FGF2: variants seen among roughly 807,000 people sequenced by gnomAD.
The protein encoded by FGF2 is fibroblast growth factor 2.
Under a neutral mutation model 15.9 loss-of-function variants are expected in FGF2, and 13 were observed. The ratio of observed to expected loss-of-function variants is 0.82; its 90% CI spans 0.53 to 1.30. The LOEUF (loss-of-function observed/expected upper bound fraction) is 1.30. Ranked by LOEUF, FGF2 falls within the 50% of genes most tolerant of loss-of-function variation. The pLI, the probability that FGF2 is intolerant of heterozygous loss-of-function variation, is 0.00. For synonymous variants in FGF2, 90 were observed against 78.4 expected, an observed-to-expected ratio of 1.15 and a Z score of -0.78; for missense variants, 163 against 196.9, an observed-to-expected ratio of 0.83 and a Z score of 1.03.
intron 2 of FGF2, among the ~76,000 whole-genome samples, chr4:122,877,403 G>A (rs1726878482): frequency 6.6e-6 from 1 of 152,178 alleles, no homozygotes; most frequent in African/African-American, 2.4e-5. Context: ...GTGAGCCACC[G>A]TGCCTGGCTG....
intron 1 of FGF2, among the ~76,000 whole-genome samples, chr4:122,846,937 G>A (rs1578457387): frequency 7.9e-5 from 12 of 152,154 alleles, no homozygotes; most frequent in Admixed American, 5.9e-4. Context: ...ATGGATGCAC[G>A]GGTGGGCTGT....
chr4:122,876,183 C>G, intron 1 of FGF2, 138 bp from the exon 2 acceptor site: 1 of 702,394 alleles, frequency 1.4e-6, no homozygotes, highest in Non-Finnish European at 2.6e-6. Flanking sequence ...TGTCACTCAC[C>G]CATACCCCCA....
chr4:122,827,130 G>A lies in FGF2; in HGVS notation c.-45G>A. The A allele has an allele frequency of 1.5e-6, 2 of 1,299,488 alleles. No individual in the cohort carries two copies. Among genetic ancestry groups the A allele is most frequent in the Non-Finnish European group, 1.9e-6 (2 of 1,026,752 alleles). 80.5% of individuals were successfully genotyped at this position (1,299,488 alleles called of 1,614,324 possible). A position where few individuals can be genotyped will look rare whatever the true frequency, so the allele number is the denominator to read the frequency against. The stretch of plus-strand genomic sequence containing the variant: ...GGGCCGGGGGACGGCGGCTCCCCGC[G>A]CGGCTCCAGCGGCTCGGGGATCCCG... On this transcript the variant is annotated 5_prime_UTR_variant, in exon 1 of 3. Transcript: ENST00000644866. The surrounding 1 kb of genome is among the most constrained non-coding windows in gnomAD (Gnocchi z 4.2).
intron 1 of FGF2, among the ~76,000 whole-genome samples, chr4:122,875,736 G>A (rs1726832974): frequency 6.6e-6 from 1 of 152,218 alleles, no homozygotes; most frequent in Non-Finnish European, 1.5e-5. Context: ...GAACCTGGGA[G>A]GCAGAGGTTG....
intron 1 of FGF2, among the ~76,000 whole-genome samples, chr4:122,844,536 T>TC (rs1726060865): frequency 6.6e-6 from 1 of 151,728 alleles, no homozygotes; most frequent in Non-Finnish European, 1.5e-5. Flanking sequence ...TCTTTTTCTT[T>TC]TTTTCTTTCT....
intron 1 of FGF2, among the ~76,000 whole-genome samples, chr4:122,851,359 C>A (rs1240325563): frequency 1.3e-5 from 2 of 152,142 alleles, no homozygotes; most frequent in South Asian, 2.1e-4. Context: ...TCAAATTCTG[C>A]TGGAGGTTCA....
intron 1 of FGF2, among the ~76,000 whole-genome samples, chr4:122,870,907 A>G (rs932460760): frequency 2.0e-5 from 3 of 151,758 alleles, no homozygotes; most frequent in Non-Finnish European, 4.4e-5. Context: ...TCTTTTAATT[A>G]TGATGTTAGG....
intron 1 of FGF2, among the ~76,000 whole-genome samples, chr4:122,862,771 T>C (rs1726498933): frequency 6.6e-6 from 1 of 152,238 alleles, no homozygotes; most frequent in South Asian, 2.1e-4. Flanking sequence ...CTTTTGCTTT[T>C]ATGTTACAAT....
chr4:122,855,902 T>C (rs2150773708), intron 1 of FGF2, among the ~76,000 whole-genome samples: 1 of 152,334 alleles, frequency 6.6e-6, no homozygotes, highest in African/African-American at 2.4e-5. Flanking sequence ...AAGTGATATT[T>C]GAGCTTCATC....
chr4:122,860,388 A>G (rs1277351128), intron 1 of FGF2, among the ~76,000 whole-genome samples: 1 of 148,676 alleles, frequency 6.7e-6, no homozygotes, highest in Non-Finnish European at 1.5e-5. Flanking sequence ...TCTACAGAAG[A>G]TTTACAAAGA....
chr4:122,840,640 C>T (rs1053942206), intron 1 of FGF2: 5 of 191,358 alleles, frequency 2.6e-5, no homozygotes, highest in Non-Finnish European at 5.6e-5. Flanking sequence ...ACCCCGATCC[C>T]GATTTAGACC....
Position 122,827,037 on chromosome 4 carries a change from C to G in FGF2, c.-138C>G. Reference sequence around the variant, plus strand: ...GGGGGACCGCGGGCGCGGCCGCGCGCTGCCGGGCGGGAGGCTGGGGGGCCG... The same window carrying G: ...GGGGGACCGCGGGCGCGGCCGCGCGGTGCCGGGCGGGAGGCTGGGGGGCCG... On this transcript the variant is annotated 5_prime_UTR_variant, in exon 1 of 3. Transcript: ENST00000644866. The surrounding 1 kb of genome is among the most constrained non-coding windows in gnomAD (Gnocchi z 4.2). 8.6e-7 allele frequency: 1 copy of G among 1,159,324 alleles called. No individual in the cohort carries two copies. The highest frequency in any genetic ancestry group is 4.8e-5 in the Admixed American group (1 of 21,022). The allele number at this position is 1,159,324 out of a possible 1,614,324, so 71.8% of individuals were successfully genotyped here.
chr4:122,875,419 T>C (rs1455010740), intron 1 of FGF2, among the ~76,000 whole-genome samples: 1 of 114,680 alleles, frequency 8.7e-6, no homozygotes, highest in Non-Finnish European at 2.0e-5. Context: ...TAGATAGATA[T>C]TTGCACACAA....
chr4:122,887,022 A>G (rs903342163), intron 2 of FGF2, among the ~76,000 whole-genome samples: 4 of 152,170 alleles, frequency 2.6e-5, no homozygotes, highest in Non-Finnish European at 5.9e-5. Context: ...ATCTGTATCA[A>G]TATTAATATG....
chr4:122,827,108 CCGGGGG>C lies in FGF2; in HGVS notation c.-66_-61del. The stretch of plus-strand genomic sequence containing the variant: ...AGCGGGTCGGAGGCCGGGGCCGGGG[CCGGGGG>C]ACGGCGGCTCCCCGCGCGGCTCCAG... On this transcript the variant is annotated 5_prime_UTR_variant, in exon 1 of 3. Transcript: ENST00000644866. This position sits in a 1 kb window ranked among gnomAD's most constrained non-coding sequence, Gnocchi z 4.2. The C allele has an allele frequency of 8.0e-7, 1 of 1,251,438 alleles. No individual in the cohort carries two copies. The highest frequency in any genetic ancestry group is 1.0e-6 in the Non-Finnish European group (1 of 1,000,236). 77.5% of individuals were successfully genotyped at this position (1,251,438 alleles called of 1,614,324 possible).
intron 2 of FGF2, chr4:122,888,786 C>T (rs1727109130): frequency 6.6e-6 from 1 of 152,158 alleles, no homozygotes; most frequent in Non-Finnish European, 1.5e-5. Flanking sequence ...CATTCCTAGT[C>T]CCTCTTACCC....
At chr4:122,831,263 C>T (rs1346088505) in intron 1 of FGF2, among the ~76,000 whole-genome samples, 2 of 152,146 alleles carry the variant, frequency 1.3e-5, no homozygotes, top group African/African-American at 4.8e-5. Context: ...CTCTTCATTC[C>T]ACCATAGAGT....
At position 122,897,966 on chromosome 4, in the gene FGF2, C is replaced by T; in HGVS notation, c.*5570C>T. The T allele has an allele frequency of 1.0e-5, 3 of 294,274 alleles. No homozygotes were observed. Among genetic ancestry groups the T allele is most frequent in the Non-Finnish European group, 1.9e-5 (3 of 159,802 alleles). 18.2% of individuals were successfully genotyped at this position (294,274 alleles called of 1,614,324 possible). On this transcript the variant is annotated 3_prime_UTR_variant, in exon 3 of 3. Transcript: ENST00000644866. ...TGAATGAAACATTGGAGGGAAACATCTACTGAATTTCTGTAATTTAAAATA... is the reference window on the plus strand; with the variant it reads ...TGAATGAAACATTGGAGGGAAACATTTACTGAATTTCTGTAATTTAAAATA...
intron 2 of FGF2, among the ~76,000 whole-genome samples, chr4:122,879,687 G>A (rs567816418): frequency 3.5e-4 from 54 of 152,306 alleles, no homozygotes; most frequent in African/African-American, 1.3e-3. Context: ...ACATGGCTGG[G>A]GAAGCCTCAC....
Sources: gnomAD v4.1 joint callset for allele counts (sites outside exome capture counted in the v4.1 genomes callset) on GRCh38, gnomAD v4.1.1 for gene constraint, Gnocchi (gnomAD v3.1) non-coding constraint, MANE v1.5 for transcripts, NCBI Gene and HGNC (gene_info 2026-07-23, HGNC 2026-07-21) for gene names.